SETBP1: variants seen among roughly 807,000 people sequenced by gnomAD.
SETBP1 encodes the protein SET-binding protein.
Under a neutral mutation model 101.0 loss-of-function variants are expected in SETBP1, and 9 were observed. The observed-to-expected ratio is 0.09, with a 90% confidence interval of 0.05 to 0.16. The LOEUF is 0.16. SETBP1 is among the 10% of genes least tolerant of loss of function. SETBP1 has a pLI of 1.00. For synonymous variants in SETBP1, 818 were observed against 788.5 expected (o/e 1.04, Z -0.63); for missense variants, 1,858 against 2,033.8 (o/e 0.91, Z 1.66).
chr18:44,881,062 T>G (rs1441417003), intron 3 of SETBP1, among the ~76,000 whole-genome samples: 1 of 152,226 alleles, frequency 6.6e-6, no homozygotes, highest in African/African-American at 2.4e-5. Flanking sequence ...TTCTGACATT[T>G]CTGTAATGCT....
chr18:44,850,833 C>G (rs1200740537), intron 2 of SETBP1, among the ~76,000 whole-genome samples: 1 of 152,226 alleles, frequency 6.6e-6, no homozygotes, highest in African/African-American at 2.4e-5. Context: ...AATTAAATCA[C>G]AGTAGATGTT....
chr18:44,764,628 C>A (rs996958699), intron 2 of SETBP1, among the ~76,000 whole-genome samples: 23 of 152,086 alleles, frequency 1.5e-4, no homozygotes, highest in African/African-American at 5.6e-4. Context: ...CACCTGCCAC[C>A]ATGCCTGGCT....
intron 5 of SETBP1, among the ~76,000 whole-genome samples, chr18:45,042,867 A>C (rs1599486499): frequency 6.6e-6 from 1 of 152,146 alleles, no homozygotes; most frequent in Non-Finnish European, 1.5e-5. Context: ...AGGTGCTCAA[A>C]CAGATCAGCC....
chr18:44,955,891 A>T (rs531332998), intron 4 of SETBP1, among the ~76,000 whole-genome samples: 1 of 152,338 alleles, frequency 6.6e-6, no homozygotes, highest in South Asian at 2.1e-4. Flanking sequence ...TTAAGGAAAG[A>T]AGACACTCGT....
chr18:44,993,195 G>T (rs2072416671), intron 4 of SETBP1, among the ~76,000 whole-genome samples: 1 of 151,942 alleles, frequency 6.6e-6, no homozygotes, highest in Admixed American at 6.5e-5. Flanking sequence ...TCTGCAGTAG[G>T]CACCAAACCT....
At chr18:44,830,271 A>G (rs2072332168) in intron 2 of SETBP1, among the ~76,000 whole-genome samples, 1 of 152,178 alleles carries the variant, frequency 6.6e-6, no homozygotes, top group Admixed American at 6.5e-5. Context: ...CAAAGTCAGA[A>G]AGGACCAGCA....
chr18:45,037,599 T>A (rs2073423015), intron 4 of SETBP1, among the ~76,000 whole-genome samples: 1 of 152,136 alleles, frequency 6.6e-6, no homozygotes, highest in Admixed American at 6.5e-5. Flanking sequence ...TTACTCGTCA[T>A]CACAGAGTTG....
chr18:44,835,484 A>G (rs6507587), intron 2 of SETBP1, among the ~76,000 whole-genome samples: 130,606 of 152,194 alleles, frequency 0.86, 56,135 homozygotes, highest in Admixed American at 0.88. Flanking sequence ...AGTTTAGCAA[A>G]TAAAAATACA....
At chr18:44,820,639 C>T (rs977682337) in intron 2 of SETBP1, among the ~76,000 whole-genome samples, 3 of 152,308 alleles carry the variant, frequency 2.0e-5, no homozygotes, top group Non-Finnish European at 4.4e-5. Context: ...CTTCGTCATC[C>T]ACACAATTTT....
chr18:44,696,971 C>T (rs1179963349), intron 1 of SETBP1, among the ~76,000 whole-genome samples: 5 of 152,250 alleles, frequency 3.3e-5, no homozygotes, highest in Non-Finnish European at 7.3e-5. Context: ...TCCTCCTCCA[C>T]TCCCAGCCCC....
rs530587645 is a variant in SETBP1, at chr18:44,890,121, A to G, written c.540+20838A>G. Among the ~76,000 whole-genome samples the G allele has an allele frequency of 7.2e-5, 11 of 152,220 alleles. No individual in the cohort carries two copies. In the East Asian group the frequency reaches 7.7e-4, roughly 11 times the overall value. ...AATTCTATTTTCAATTTCCAGGTAT[A>G]CAATACCTTGCAAGTTTCAAGGATA... is the stretch of plus-strand genomic sequence containing the variant. On this transcript the variant is annotated intron_variant, in intron 3 of 5. Coordinates refer to ENST00000649279, the MANE Select transcript of SETBP1 (RefSeq NM_015559.3).
chr18:45,053,267 A>G (rs2073752995), intron 5 of SETBP1, among the ~76,000 whole-genome samples: 1 of 152,232 alleles, frequency 6.6e-6, no homozygotes, highest in African/African-American at 2.4e-5. Context: ...CTAGGCACTA[A>G]AATCTCAGAT....
intron 5 of SETBP1, among the ~76,000 whole-genome samples, chr18:45,041,749 G>T (rs2073512407): frequency 6.6e-6 from 1 of 152,128 alleles, no homozygotes; most frequent in South Asian, 2.1e-4. Context: ...ATCACCTGAG[G>T]TCAGGAGTAC....
intron 3 of SETBP1, among the ~76,000 whole-genome samples, chr18:44,910,924 A>G (rs1281548344): frequency 6.6e-6 from 1 of 151,724 alleles, no homozygotes; most frequent in African/African-American, 2.4e-5. Context: ...CTAACTTGCC[A>G]CTCTCTGAAG....
chr18:44,941,837 G>A (rs967755199), intron 3 of SETBP1, among the ~76,000 whole-genome samples: 9 of 151,728 alleles, frequency 5.9e-5, no homozygotes, highest in South Asian at 2.1e-4. Context: ...TAGTCGTTGC[G>A]ATCCTGAGAC....
intron 4 of SETBP1, among the ~76,000 whole-genome samples, chr18:45,016,034 C>A (rs192117941): frequency 7.2e-5 from 11 of 152,290 alleles, no homozygotes; most frequent in South Asian, 4.2e-4. Context: ...CCTAAACAGA[C>A]AATCCACCCT....
intron 4 of SETBP1, among the ~76,000 whole-genome samples, chr18:45,024,880 C>T (rs1270915248): frequency 1.3e-5 from 2 of 152,226 alleles, no homozygotes; most frequent in Non-Finnish European, 2.9e-5. Flanking sequence ...AGGACTGACT[C>T]TCTCCAATCC....
intron 2 of SETBP1, among the ~76,000 whole-genome samples, chr18:44,867,996 C>A (rs2069167308): frequency 6.6e-6 from 1 of 152,196 alleles, no homozygotes; most frequent in Non-Finnish European, 1.5e-5. Context: ...CTAGCAGTCA[C>A]CCTCCTTGAA....
chr18:44,984,096 G>C (rs2072175847), intron 4 of SETBP1, among the ~76,000 whole-genome samples: 1 of 152,128 alleles, frequency 6.6e-6, no homozygotes, highest in Admixed American at 6.5e-5. Context: ...AGCTAGTCAG[G>C]AGGCTGAGGC....
Sources: gnomAD v4.1 joint callset for allele counts (sites outside exome capture counted in the v4.1 genomes callset) on GRCh38, gnomAD v4.1.1 for gene constraint, MANE v1.5 for transcripts, NCBI Gene and HGNC (gene_info 2026-07-23, HGNC 2026-07-21) for gene names.